Variants in RORA observed in about 807,000 individuals in gnomAD.
The protein encoded by RORA is RAR related orphan receptor A, also known as nuclear receptor ROR-alpha.
Under a neutral mutation model 69.5 loss-of-function variants are expected in RORA, and 7 were observed. That is an observed-to-expected ratio of 0.10 (90% CI 0.06 to 0.19). The LOEUF (loss-of-function observed/expected upper bound fraction) is 0.19, where lower values mean the gene tolerates loss of function less well. Ranked by LOEUF, RORA falls within the 10% of genes least tolerant of loss-of-function variation. The pLI is 1.00. For missense variants in RORA, 457 were observed against 663.0 expected, an observed-to-expected ratio of 0.69 and a Z score of 3.41; for synonymous variants, 261 against 240.8, an observed-to-expected ratio of 1.08 and a Z score of -0.78.
At chr15:60,998,108 T>A (rs1894618217) in intron 1 of RORA, among the ~76,000 whole-genome samples, 1 of 152,216 alleles carries the variant, frequency 6.6e-6, no homozygotes, top group African/African-American at 2.4e-5. Context: ...AGAAACCCCA[T>A]ATGGGTTTGC....
intron 2 of RORA, among the ~76,000 whole-genome samples, chr15:60,625,363 A>G (rs1210747755): frequency 6.6e-6 from 1 of 152,214 alleles, no homozygotes; most frequent in Non-Finnish European, 1.5e-5. Flanking sequence ...ATTGGTGGCC[A>G]CATAAACTGG....
At chr15:61,207,645 G>A (rs1020270056) in intron 1 of RORA, among the ~76,000 whole-genome samples, 10 of 152,244 alleles carry the variant, frequency 6.6e-5, no homozygotes, top group Middle Eastern at 3.4e-3. Context: ...TCGTGATTCC[G>A]AGCTGAAAAG....
At chr15:60,876,199 C>T (rs150146577) in intron 1 of RORA, among the ~76,000 whole-genome samples, 64 of 151,382 alleles carry the variant, frequency 4.2e-4, no homozygotes, top group African/African-American at 1.4e-3. Context: ...GTGAATGTGA[C>T]AGCTAGAGTA....
chr15:61,195,269 C>A (rs973018501), intron 1 of RORA, among the ~76,000 whole-genome samples: 1 of 152,034 alleles, frequency 6.6e-6, no homozygotes, highest in African/African-American at 2.4e-5. Context: ...GAAAGTTATG[C>A]ATTAAACAAG....
At chr15:60,694,835 A>G (rs1018034486) in intron 1 of RORA, among the ~76,000 whole-genome samples, 1 of 152,190 alleles carries the variant, frequency 6.6e-6, no homozygotes, top group African/African-American at 2.4e-5. Context: ...CAGAGCTGTC[A>G]CTAATTGGTC....
chr15:60,748,525 A>T (rs1488575204), intron 1 of RORA, among the ~76,000 whole-genome samples: 1 of 152,150 alleles, frequency 6.6e-6, no homozygotes, highest in East Asian at 1.9e-4. Flanking sequence ...AGTGGCTTCA[A>T]ATTAAGGCAG....
At chr15:60,798,818 T>C (rs1289669132) in intron 1 of RORA, among the ~76,000 whole-genome samples, 3 of 152,110 alleles carry the variant, frequency 2.0e-5, no homozygotes, top group Admixed American at 6.5e-5. Flanking sequence ...TAAAAAGGAA[T>C]GATATATCCC....
chr15:60,877,759 A>G (rs1302793427), intron 1 of RORA, among the ~76,000 whole-genome samples: 1 of 152,224 alleles, frequency 6.6e-6, no homozygotes, highest in African/African-American at 2.4e-5. Flanking sequence ...ATAAATTAAT[A>G]AAATAAAGCA....
chr15:60,786,496 G>A (rs1290921262), intron 1 of RORA, among the ~76,000 whole-genome samples: 1 of 152,206 alleles, frequency 6.6e-6, no homozygotes, highest in Non-Finnish European at 1.5e-5. Flanking sequence ...GGGCCAAGTT[G>A]GGGGCACAGT....
At chr15:60,888,043 G>A (rs2073770982) in intron 1 of RORA, among the ~76,000 whole-genome samples, 1 of 152,314 alleles carries the variant, frequency 6.6e-6, no homozygotes, top group East Asian at 1.9e-4. Context: ...AAGAGCCCAG[G>A]AATGTCTCTC....
chr15:61,176,840 G>A (rs544071001), intron 1 of RORA, among the ~76,000 whole-genome samples: 9 of 152,138 alleles, frequency 5.9e-5, no homozygotes, highest in East Asian at 1.9e-4. Context: ...TTAAAATTAC[G>A]GCATTTATAC....
chr15:60,677,173 G>T (rs912442354), intron 2 of RORA: 3 of 455,884 alleles, frequency 6.6e-6, no homozygotes, highest in Non-Finnish European at 1.3e-5. Flanking sequence ...GGGTCCCTCC[G>T]GGCCAGGGAC....
chr15:60,501,339 T>C (rs562208088), intron 8 of RORA, among the ~76,000 whole-genome samples: 1 of 152,194 alleles, frequency 6.6e-6, no homozygotes, highest in Non-Finnish European at 1.5e-5. Context: ...TCATCCTCAT[T>C]GAAAATAATG....
chr15:61,038,098 ATCT>A (rs1761204969), intron 1 of RORA, among the ~76,000 whole-genome samples: 1 of 152,194 alleles, frequency 6.6e-6, no homozygotes, highest in African/African-American at 2.4e-5. Flanking sequence ...TATTATTCTG[ATCT>A]TCTTCAAAGA....
rs1393495552 is a variant in RORA at position 61,060,669 on chromosome 15, T to C, written c.166+168384A>G. Among the ~76,000 whole-genome samples, 7 of 152,076 alleles carry C rather than the reference T, an allele frequency of 4.6e-5. No individual in the cohort carries two copies. The East Asian group carries it at 1.4e-3, about 29-fold the overall frequency. On this transcript the variant is annotated intron_variant, in intron 1 of 10. Coordinates refer to ENST00000335670, the MANE Select transcript of RORA (RefSeq NM_134261.3). The stretch of plus-strand genomic sequence containing the variant: ...TTGGGGAAGGCAGTTTGGGATGCGC[T>C]TCAGTGATCCAGCCACCTCACTCTT...
intron 2 of RORA, among the ~76,000 whole-genome samples, chr15:60,542,388 G>C (rs370165507): frequency 6.7e-6 from 1 of 149,812 alleles, no homozygotes; most frequent in Non-Finnish European, 1.5e-5. Context: ...CCACACATAC[G>C]TACACTACAC....
intron 2 of RORA, among the ~76,000 whole-genome samples, chr15:60,673,112 G>A (rs943328423): frequency 1.3e-5 from 2 of 152,180 alleles, no homozygotes; most frequent in Non-Finnish European, 2.9e-5. Context: ...ATGTTATGAA[G>A]TGGGAATACA....
chr15:60,989,181 C>T (rs529661002), intron 1 of RORA, among the ~76,000 whole-genome samples: 3 of 152,258 alleles, frequency 2.0e-5, no homozygotes, highest in African/African-American at 7.2e-5. Context: ...AGTCTCATCG[C>T]CCCTGAAAAA....
At chr15:60,673,033 G>A (rs1211972600) in intron 2 of RORA, among the ~76,000 whole-genome samples, 2 of 152,144 alleles carry the variant, frequency 1.3e-5, no homozygotes, top group African/African-American at 4.8e-5. Flanking sequence ...AGGCATGTTT[G>A]TTTTCTCCCT....
Sources: allele counts gnomAD v4.1 joint callset (sites outside exome capture counted in the v4.1 genomes callset), GRCh38; gene constraint gnomAD v4.1.1; transcripts MANE v1.5; gene names NCBI Gene and HGNC (gene_info 2026-07-23, HGNC 2026-07-21).